MACROD2: variants seen among roughly 807,000 people sequenced by gnomAD.
The protein encoded by MACROD2 is mono-ADP ribosylhydrolase 2, also known as ADP-ribose glycohydrolase MACROD2.
In MACROD2, 36 loss-of-function variants were observed where a neutral mutation model predicts 70.4. The observed-to-expected ratio is 0.51, with a 90% CI of 0.39 to 0.68. MACROD2 has a LOEUF of 0.68. MACROD2 is among the 30% of genes least tolerant of loss of function. The pLI is 0.00. For missense variants in MACROD2, 496 were observed against 538.4 expected, an observed-to-expected ratio of 0.92 and a Z score of 0.78; for synonymous variants, 172 against 178.8, an observed-to-expected ratio of 0.96 and a Z score of 0.30.
chr20:15,073,466 A>AAC (rs11468103), intron 5 of MACROD2, among the ~76,000 whole-genome samples: 18,947 of 143,858 alleles, frequency 0.13, 1,379 homozygotes, highest in Non-Finnish European at 0.17. Context: ...TAATTCTCCC[A>AAC]ACACACACAC....
chr20:14,294,230 G>A (rs2082409384), intron 3 of MACROD2, among the ~76,000 whole-genome samples: 1 of 146,338 alleles, frequency 6.8e-6, no homozygotes, highest in South Asian at 2.1e-4. Context: ...ATGTGTGTGT[G>A]TTCATGCATG....
At chr20:14,798,345 T>G (rs2072535185) in intron 5 of MACROD2, among the ~76,000 whole-genome samples, 1 of 152,124 alleles carries the variant, frequency 6.6e-6, no homozygotes, top group Non-Finnish European at 1.5e-5. Context: ...AAAGTTTCAA[T>G]TTTTCTATAA....
At chr20:14,602,176 T>G (rs1377442418) in intron 4 of MACROD2, among the ~76,000 whole-genome samples, 1 of 152,140 alleles carries the variant, frequency 6.6e-6, no homozygotes, top group African/African-American at 2.4e-5. Context: ...AGAGAGGGGT[T>G]CTGTAAAGCA....
chr20:14,955,127 A>T (rs1322456709), intron 5 of MACROD2, among the ~76,000 whole-genome samples: 21 of 32,170 alleles, frequency 6.5e-4, no homozygotes, highest in African/African-American at 1.9e-3. Context: ...TAACTTATAT[A>T]TTATAATTTA....
chr20:15,822,172 T>C (rs746386860), intron 8 of MACROD2, among the ~76,000 whole-genome samples: 5 of 152,192 alleles, frequency 3.3e-5, no homozygotes, highest in Admixed American at 3.3e-4. Context: ...AATTGGCCAT[T>C]ATAATGATAC....
At chr20:15,714,390 T>C (rs913742704) in intron 8 of MACROD2, among the ~76,000 whole-genome samples, 15 of 152,342 alleles carry the variant, frequency 9.8e-5, no homozygotes, top group African/African-American at 3.4e-4. Flanking sequence ...AGCCACCTTC[T>C]TCCAGAAGCT....
At chr20:14,251,320 G>A (rs1215477389) in intron 3 of MACROD2, among the ~76,000 whole-genome samples, 1 of 152,042 alleles carries the variant, frequency 6.6e-6, no homozygotes, top group Non-Finnish European at 1.5e-5. Context: ...TCCTGCTATT[G>A]GAAAATGTTC....
chr20:14,423,867 A>C (rs2083905169), intron 3 of MACROD2, among the ~76,000 whole-genome samples: 1 of 139,456 alleles, frequency 7.2e-6, no homozygotes, highest in Non-Finnish European at 1.5e-5. Context: ...GGTTCAAGAG[A>C]TTCTCCTGGC....
At chr20:15,022,218 T>G (rs1368603420) in intron 5 of MACROD2, among the ~76,000 whole-genome samples, 1 of 152,186 alleles carries the variant, frequency 6.6e-6, no homozygotes, top group Non-Finnish European at 1.5e-5. Context: ...ACAACATTGG[T>G]TGTATCCCTA....
chr20:14,768,396 A>G (rs575660121), intron 5 of MACROD2, among the ~76,000 whole-genome samples: 18 of 152,264 alleles, frequency 1.2e-4, no homozygotes, highest in African/African-American at 3.1e-4. Flanking sequence ...TTTCCCAGGA[A>G]TTTGGGAATT....
At chr20:14,788,125 G>A (rs1003850192) in intron 5 of MACROD2, among the ~76,000 whole-genome samples, 5 of 152,014 alleles carry the variant, frequency 3.3e-5, no homozygotes, top group Admixed American at 6.6e-5. Context: ...ATGTTCCAGT[G>A]CATATTAAGC....
At chr20:15,594,554 A>G (rs1452275152) in intron 8 of MACROD2, among the ~76,000 whole-genome samples, 2 of 152,170 alleles carry the variant, frequency 1.3e-5, no homozygotes, top group Non-Finnish European at 2.9e-5. Context: ...CCCCATCACC[A>G]CATTCCCACC....
intron 2 of MACROD2, among the ~76,000 whole-genome samples, chr20:14,072,520 A>T (rs2053860026): frequency 6.6e-6 from 1 of 152,174 alleles, no homozygotes; most frequent in Admixed American, 6.5e-5. Context: ...TACTTGGTCA[A>T]ACCACTTCAT....
intron 5 of MACROD2, among the ~76,000 whole-genome samples, chr20:14,930,599 C>T (rs1290007757): frequency 2.6e-5 from 4 of 151,880 alleles, no homozygotes; most frequent in African/African-American, 9.7e-5. Flanking sequence ...ATGTCAAATG[C>T]CTGCCATGAC....
At chr20:14,308,531 G>C (rs1294315902) in intron 3 of MACROD2, among the ~76,000 whole-genome samples, 1 of 152,052 alleles carries the variant, frequency 6.6e-6, no homozygotes. Context: ...CATGAAATCA[G>C]GCAAACTGGA....
At chr20:14,678,434 A>G (rs1003085304) in intron 4 of MACROD2, among the ~76,000 whole-genome samples, 4 of 152,114 alleles carry the variant, frequency 2.6e-5, no homozygotes, top group African/African-American at 7.2e-5. Flanking sequence ...TTGTGGTTCT[A>G]TTTACTGATG....
chr20:14,549,557 G>A (rs1318808584), intron 4 of MACROD2, among the ~76,000 whole-genome samples: 1 of 151,792 alleles, frequency 6.6e-6, no homozygotes, highest in Non-Finnish European at 1.5e-5. Context: ...AAATCACATA[G>A]GGATAATTAT....
chr20:16,026,056 G>A (rs895729206), intron 15 of MACROD2, among the ~76,000 whole-genome samples: 3 of 152,048 alleles, frequency 2.0e-5, no homozygotes, highest in African/African-American at 4.8e-5. Context: ...GGGAGGCTGA[G>A]GCAGGAGAAT....
At chr20:15,816,170 G>T (rs116242310) in intron 8 of MACROD2, among the ~76,000 whole-genome samples, 3,097 of 152,100 alleles carry the variant, frequency 0.02, 124 homozygotes, top group African/African-American at 0.071. Context: ...TAAGTAATAT[G>T]AGAAGAGTGA....
Sources: gnomAD v4.1 joint callset for allele counts (sites outside exome capture counted in the v4.1 genomes callset) on GRCh38, gnomAD v4.1.1 for gene constraint, MANE v1.5 for transcripts, NCBI Gene and HGNC (gene_info 2026-07-23, HGNC 2026-07-21) for gene names.